Variants in OTOG observed in about 807,000 individuals in gnomAD.
The protein encoded by OTOG is otogelin.
Under a neutral mutation model 313.8 loss-of-function variants are expected in OTOG, and 296 were observed. That is an observed-to-expected ratio of 0.94 (90% confidence interval 0.86 to 1.04). The LOEUF is 1.04. Ranked by LOEUF, OTOG falls within the 50% of genes least tolerant of loss-of-function variation. The probability of loss-of-function intolerance (pLI) is 0.00; values close to 1 mark genes in which losing one functional copy is unlikely to be tolerated. For synonymous variants in OTOG, 1,533 were observed against 1,554.9 expected (o/e 0.99, Z 0.33); for missense variants, 3,948 against 3,840.1 (o/e 1.03, Z -0.74).
At chr11:17,558,432 T>C in intron 9 of OTOG, 106 bp from the exon 10 acceptor site, 1 of 1,518,690 alleles carries the variant, frequency 6.6e-7, no homozygotes, top group Non-Finnish European at 8.9e-7. Flanking sequence ...CATCCCTCTC[T>C]TCTCTGCCTT....
In OTOG at chr11:17,596,975, T is replaced by G. The variant is rs1174748017; in HGVS notation, c.3650T>G (p.Val1217Gly). The part of the protein sequence containing the change: ...AYAHQCCQHG[V>G]AVDWRTPRLC... ...GCCCACCAGTGTTGCCAGCATGGGG[T>G]GGCTGTTGACTGGCGAACCCCCCGC... Residue 1217 changes from valine to glycine, a missense_variant, in exon 30 of 56, where the codon GTG becomes GGG. Transcript: ENST00000399397. The G allele has an allele frequency of 6.4e-7, 1 of 1,550,446 alleles. No homozygotes were observed. Among genetic ancestry groups the G allele is most frequent in the Non-Finnish European group, 8.7e-7 (1 of 1,146,972 alleles).
chr11:17,598,625 G>T (rs890424709), intron 30 of OTOG, among the ~76,000 whole-genome samples: 3 of 152,182 alleles, frequency 2.0e-5, no homozygotes, highest in Admixed American at 2.0e-4. Flanking sequence ...AAATTTCACT[G>T]ACGTTAAGTA....
At chr11:17,583,923 G>GT (rs1472095866) in intron 23 of OTOG, among the ~76,000 whole-genome samples, 1 of 152,094 alleles carries the variant, frequency 6.6e-6, no homozygotes, top group Non-Finnish European at 1.5e-5. Flanking sequence ...CTTAACACCA[G>GT]TAAGTCCTCC....
chr11:17,578,250 G>A (rs1852582220), intron 22 of OTOG, 123 bp from the exon 23 acceptor site: 2 of 1,406,164 alleles, frequency 1.4e-6, no homozygotes, highest in Non-Finnish European at 1.8e-6. Flanking sequence ...ATGCCCAGGA[G>A]CGACCAGGGA....
At chr11:17,576,829 A>G (rs1359679441) in intron 21 of OTOG, 39 bp from the exon 22 acceptor site, 1 of 1,548,960 alleles carries the variant, frequency 6.5e-7, no homozygotes, top group South Asian at 1.2e-5. Flanking sequence ...TCCTGCAGTG[A>G]CTGGGTCGGC....
rs541527586 is a variant in OTOG, at chr11:17,643,421, T to A, written c.8416-40T>A. 20 of 1,372,176 alleles carry A rather than the reference T, an allele frequency of 1.5e-5. No individual in the cohort carries two copies. In the African/African-American group the frequency reaches 2.9e-4, roughly 20 times the overall value. 85.0% of individuals were successfully genotyped at this position (1,372,176 alleles called of 1,614,324 possible). A position where few individuals can be genotyped will look rare whatever the true frequency, so the allele number is the denominator to read the frequency against. The stretch of plus-strand genomic sequence containing the variant: ...TCTTGGCTCCCGGCCTGGACAGGGG[T>A]CTCCACACCTACCTACCTCCCCCGA... On this transcript the variant is annotated intron_variant, in intron 53 of 55. Transcript: ENST00000399397.
Position 17,645,954 on chromosome 11 carries a change from G to C in OTOG, c.*10G>C. On this transcript the variant is annotated 3_prime_UTR_variant, in exon 56 of 56. Transcript: ENST00000399397. ...CTGCCAGTGGTCCTGAGGCCTGGGGGCCCGGGCTAGCTGGACCACCTCTGC... is the reference window on the plus strand; with the variant it reads ...CTGCCAGTGGTCCTGAGGCCTGGGGCCCCGGGCTAGCTGGACCACCTCTGC... 1 of 1,547,116 alleles carries C rather than the reference G, an allele frequency of 6.5e-7. No individual in the cohort carries two copies. Among genetic ancestry groups the C allele is most frequent in the Non-Finnish European group, 8.7e-7 (1 of 1,146,818 alleles).
Position 17,553,144 on chromosome 11 carries a change from C to T in OTOG, c.318C>T (p.Gly106=), listed in dbSNP as rs1371623305. ...ACTTGTTCTCCTGCTTCAATGGAGG[C>T]GAGTGTGTGCACCCAGCCTTCTGTG... ...PSYLFSCFNG[G]ECVHPAFCDC... is the part of the protein sequence containing the mutation. The change falls in exon 5 of 56, where the codon GGC becomes GGT. Residue 106 remains glycine, a synonymous_variant. Transcript: ENST00000399397. 1.7e-5 allele frequency: 27 copies of T among 1,550,414 alleles called. 1 individual carries two copies. Among genetic ancestry groups the T allele is most frequent in the Admixed American group, 9.8e-5 (5 of 50,980 alleles).
At chr11:17,638,423 C>G (rs543089779) in intron 47 of OTOG, 28 bp from the exon 48 acceptor site, 1 of 1,516,720 alleles carries the variant, frequency 6.6e-7, no homozygotes, top group East Asian at 2.5e-5. Flanking sequence ...CTGTGACTGA[C>G]GTGTCAACTG....
At chr11:17,560,844 G>A (rs563158742) in intron 13 of OTOG, 27 bp downstream of exon 13, 3 of 1,525,884 alleles carry the variant, frequency 2.0e-6, no homozygotes, top group Admixed American at 3.9e-5. Context: ...GGGAAGCAGG[G>A]TGTGGGGCAT....
rs1853545296 is a variant in OTOG at position 17,611,408 on chromosome 11, A to G, written c.6108A>G (p.Thr2036=). ...TGGCAACTACCACTGAGGCCAATAC[A>G]TCCACCACCTGTGTTGTGAGTGATT... ...EALATTTEAN[T]STTCVPIAEQ... Residue 2036 remains threonine (T), a synonymous_variant, in exon 36 of 56, where the codon ACA becomes ACG. Transcript: ENST00000399397. 6.5e-7 allele frequency: 1 copy of G among 1,528,114 alleles called. No individual in the cohort carries two copies. Among genetic ancestry groups the G allele is most frequent in the African/African-American group, 1.4e-5 (1 of 72,672 alleles). The allele number at this position is 1,528,114 out of a possible 1,614,324, so 94.7% of individuals were successfully genotyped here. A position where few individuals can be genotyped will look rare whatever the true frequency, so the allele number is the denominator to read the frequency against.
chr11:17,547,686 G>A, intron 1 of OTOG: 1 of 821,542 alleles, frequency 1.2e-6, no homozygotes, highest in South Asian at 4.9e-5. Flanking sequence ...AGGCTGGGTG[G>A]AAGAGACCCG....
At position 17,639,431 on chromosome 11, in the gene OTOG, T is replaced by C. The variant is rs1159741219; in HGVS notation, c.7903T>C (p.Cys2635Arg). 4.4e-5 allele frequency: 68 copies of C among 1,550,620 alleles called. No individual in the cohort carries two copies. Among genetic ancestry groups the C allele is most frequent in the Non-Finnish European group, 5.8e-5 (67 of 1,147,028 alleles). ...CCPYKSCECDCDTIPVPRCHL... is the reference protein window; with the variant it reads ...CCPYKSCECDRDTIPVPRCHL... ...CCCCTTGTGTTTTTCAGAATGTGAC[T>C]GTGACACAATCCCGGTGCCCCGGTG... The change falls in exon 49 of 56, where the codon TGT becomes CGT. Residue 2635 changes from cysteine to arginine, a missense_variant. Physicochemically the swap from Cys to Arg is radical, Grantham distance 180 (BLOSUM62 -3). Coordinates refer to ENST00000399397, the MANE Select transcript of OTOG (RefSeq NM_001292063.2).
intron 42 of OTOG, 93 bp downstream of exon 42, chr11:17,632,319 T>C: frequency 7.6e-7 from 1 of 1,323,772 alleles, no homozygotes; most frequent in Non-Finnish European, 1.0e-6. Flanking sequence ...AGTTCATGTA[T>C]GCTTTCCCAG....
At chr11:17,602,795 C>T (rs780622326) in intron 32 of OTOG, among the ~76,000 whole-genome samples, 28 of 152,108 alleles carry the variant, frequency 1.8e-4, no homozygotes, top group Non-Finnish European at 8.8e-5. Context: ...GCCCTAATCC[C>T]ATGCCAAGCA....
rs1853570519 is a variant in OTOG at position 17,612,164 on chromosome 11, A to C, written c.6126A>C (p.Pro2042=). 3 of 1,549,446 alleles carry C rather than the reference A, an allele frequency of 1.9e-6. No homozygotes were observed. Among genetic ancestry groups the C allele is most frequent in the Non-Finnish European group, 1.7e-6 (2 of 1,146,954 alleles). Reference sequence around the variant, plus strand: ...CACTTCCTCCACTCTGTACCCAGCCAATCGCCGAGCAGGACTGCGTCCGCC... The same window carrying C: ...CACTTCCTCCACTCTGTACCCAGCCCATCGCCGAGCAGGACTGCGTCCGCC... ...TEANTSTTCV[P]IAEQDCVRHI... The change falls in exon 37 of 56, where the codon CCA becomes CCC. Residue 2042 remains proline (P), a splice_region_variant and synonymous_variant. Coordinates refer to ENST00000399397, the MANE Select transcript of OTOG (RefSeq NM_001292063.2).
At position 17,605,742 on chromosome 11, in the gene OTOG, C is replaced by T. The variant is rs1328259311; in HGVS notation, c.3878-115C>T. 6.7e-6 allele frequency: 8 copies of T among 1,189,990 alleles called. No homozygotes were observed. The East Asian group carries it at 1.6e-4, about 23-fold the overall frequency. 73.7% of individuals were successfully genotyped at this position (1,189,990 alleles called of 1,614,324 possible). A position where few individuals can be genotyped will look rare whatever the true frequency, so the allele number is the denominator to read the frequency against. ...GGTGTAGGGGGCAGGGCCTGCTGGT[C>T]TGCAGGCGTGCTGCCATCCAGAGTC... On this transcript the variant is annotated intron_variant, in intron 32 of 55. Coordinates refer to ENST00000399397, the MANE Select transcript of OTOG (RefSeq NM_001292063.2).
In OTOG at chr11:17,638,525, C is replaced by T. The variant is rs1305203740; in HGVS notation, c.7870C>T (p.Arg2624Cys). 12 of 1,550,316 alleles carry T rather than the reference C, an allele frequency of 7.7e-6. No homozygotes were observed. Among genetic ancestry groups the T allele is most frequent in the East Asian group, 2.4e-5 (1 of 40,930 alleles). ...TALVEVWSPDRCCPYKSCECD... is the reference protein window; with the variant it reads ...TALVEVWSPDCCCPYKSCECD... ...CCTGGTGGAGGTGTGGAGCCCCGAC[C>T]GCTGCTGCCCCTACAAATCCTGTGG... The change falls in exon 48 of 56, where the codon CGC (arginine) becomes TGC (cysteine). Residue 2624 changes from arginine (R) to cysteine (C), a missense_variant. Coordinates refer to ENST00000399397, the MANE Select transcript of OTOG (RefSeq NM_001292063.2).
At position 17,569,158 on chromosome 11, in the gene OTOG, C is replaced by A; in HGVS notation, c.1647C>A (p.Asn549Lys). 1 of 1,550,644 alleles carries A rather than the reference C, an allele frequency of 6.4e-7. No individual in the cohort carries two copies. The highest frequency in any genetic ancestry group is 8.7e-7 in the Non-Finnish European group (1 of 1,147,022). ...VTLQNAPCGL[N>K]QDGACVQSVS... is the part of the protein sequence containing the mutation. ...CATTGACCTTTCTATCTCTCCAGAACCAAGATGGAGCCTGTGTCCAGTCAG... is the reference window on the plus strand; with the variant it reads ...CATTGACCTTTCTATCTCTCCAGAAACAAGATGGAGCCTGTGTCCAGTCAG... Residue 549 changes from asparagine to lysine, a missense_variant and splice_region_variant, in exon 16 of 56, where the codon AAC becomes AAA. Transcript: ENST00000399397.
Sources: gnomAD v4.1 joint callset for allele counts (sites outside exome capture counted in the v4.1 genomes callset) on GRCh38, gnomAD v4.1.1 for gene constraint, MANE v1.5 for transcripts, NCBI Gene and HGNC (gene_info 2026-07-23, HGNC 2026-07-21) for gene names.